EYA4: variants seen among roughly 807,000 people sequenced by gnomAD.
The protein encoded by EYA4 is EYA transcriptional coactivator and phosphatase 4, also known as protein phosphatase EYA4.
In EYA4, 31 loss-of-function variants were observed where a neutral mutation model predicts 87.9. The observed-to-expected ratio is 0.35, with a 90% CI of 0.27 to 0.48. The LOEUF (loss-of-function observed/expected upper bound fraction) is 0.48. EYA4 is among the 20% of genes least tolerant of loss of function. The pLI is 0.99. For missense variants in EYA4, 678 were observed against 761.4 expected, an observed-to-expected ratio of 0.89 and a Z score of 1.29; for synonymous variants, 263 against 270.6, an observed-to-expected ratio of 0.97 and a Z score of 0.28.
chr6:133,288,749 G>A (rs1206029309), intron 2 of EYA4, among the ~76,000 whole-genome samples: 1 of 152,136 alleles, frequency 6.6e-6, no homozygotes, highest in Non-Finnish European at 1.5e-5. Context: ...AAGATGAACT[G>A]TAAGAAACTG....
chr6:133,508,512 A>T (rs1798849337), intron 14 of EYA4, among the ~76,000 whole-genome samples: 1 of 152,158 alleles, frequency 6.6e-6, no homozygotes, highest in Non-Finnish European at 1.5e-5. Flanking sequence ...AAAAAGAAAA[A>T]AGAAATTTTA....
chr6:133,491,977 A>C (rs1199268811), intron 13 of EYA4, among the ~76,000 whole-genome samples: 1 of 148,274 alleles, frequency 6.7e-6, no homozygotes, highest in African/African-American at 2.5e-5. Context: ...AAAAAGAGGA[A>C]GAAGAAAAGA....
intron 2 of EYA4, among the ~76,000 whole-genome samples, chr6:133,338,819 T>A (rs184333303): frequency 2.3e-4 from 35 of 149,888 alleles, no homozygotes; most frequent in Admixed American, 2.1e-3. Context: ...ATACACATAA[T>A]ACAATTCAGA....
intron 3 of EYA4, among the ~76,000 whole-genome samples, chr6:133,425,021 G>A (rs947556341): frequency 6.6e-6 from 1 of 150,754 alleles, no homozygotes; most frequent in Non-Finnish European, 1.5e-5. Context: ...CTTCTGTGTT[G>A]TAAGTGTGTA....
chr6:133,410,074 C>A (rs145406078), intron 3 of EYA4, among the ~76,000 whole-genome samples: 2,982 of 152,102 alleles, frequency 0.02, 93 homozygotes, highest in African/African-American at 0.061. Context: ...AATTTTAATG[C>A]AGCAAATTTA....
At chr6:133,255,530 A>G (rs1775269726) in intron 1 of EYA4, among the ~76,000 whole-genome samples, 1 of 152,198 alleles carries the variant, frequency 6.6e-6, no homozygotes, top group African/African-American at 2.4e-5. Flanking sequence ...TTTAAAGTAA[A>G]AAGTGGATTT....
At chr6:133,500,002 A>G (rs1452618239) in intron 13 of EYA4, among the ~76,000 whole-genome samples, 1 of 151,002 alleles carries the variant, frequency 6.6e-6, no homozygotes, top group Non-Finnish European at 1.5e-5. Flanking sequence ...TAACATGTAT[A>G]TGAATCACCT....
chr6:133,446,575 T>A, intron 3 of EYA4, 55 bp from the exon 4 acceptor site: 1 of 1,606,140 alleles, frequency 6.2e-7, no homozygotes, highest in Non-Finnish European at 8.5e-7. Flanking sequence ...TTGTAATCTA[T>A]TAAAAAATAA....
intron 13 of EYA4, among the ~76,000 whole-genome samples, chr6:133,498,698 A>G (rs1797841480): frequency 6.9e-6 from 1 of 145,340 alleles, no homozygotes; most frequent in South Asian, 2.1e-4. Flanking sequence ...AGCTTATAGT[A>G]AGTTTGTGTG....
chr6:133,433,366 C>T (rs192631745), intron 3 of EYA4, among the ~76,000 whole-genome samples: 27 of 152,232 alleles, frequency 1.8e-4, no homozygotes, highest in Admixed American at 4.6e-4. Context: ...GCCAGAGGCT[C>T]GGATATTTAT....
chr6:133,388,486 A>C (rs1786966503), intron 3 of EYA4, among the ~76,000 whole-genome samples: 1 of 151,414 alleles, frequency 6.6e-6, no homozygotes. Flanking sequence ...CGACCCTTCC[A>C]GTAGCTCATT....
intron 3 of EYA4, among the ~76,000 whole-genome samples, chr6:133,410,797 A>G (rs946190351): frequency 2.6e-5 from 4 of 151,566 alleles, no homozygotes; most frequent in African/African-American, 4.8e-5. Flanking sequence ...CTGTTAAATT[A>G]TTACCCTCAG....
Position 133,530,338 on chromosome 6 carries a change from T to C in EYA4, c.*1533T>C. 1.0e-6 allele frequency: 1 copy of C among 985,408 alleles called. No homozygotes were observed. The allele number at this position is 985,408 out of a possible 1,614,324, so 61.0% of individuals were successfully genotyped here. A position where few individuals can be genotyped will look rare whatever the true frequency, so the allele number is the denominator to read the frequency against. On this transcript the variant is annotated 3_prime_UTR_variant, in exon 20 of 20. Coordinates refer to ENST00000355286, the MANE Select transcript of EYA4 (RefSeq NM_004100.5). ...GCCCATCATCGTTGTGTTTGCATGG[T>C]TTTTTTCCTTGTGTGTAGCCCATGT... is the stretch of plus-strand genomic sequence containing the variant.
chr6:133,298,639 C>G (rs943801498), intron 2 of EYA4, among the ~76,000 whole-genome samples: 1 of 152,028 alleles, frequency 6.6e-6, no homozygotes, highest in Non-Finnish European at 1.5e-5. Flanking sequence ...TCTTAGTTTC[C>G]GCATCTCCAA....
At chr6:133,276,722 A>G (rs140091304) in intron 2 of EYA4, among the ~76,000 whole-genome samples, 107 of 152,312 alleles carry the variant, frequency 7.0e-4, no homozygotes, top group African/African-American at 2.5e-3. Context: ...TATTCATCTC[A>G]TAAATGTGCA....
chr6:133,308,319 A>C (rs1315190332), intron 2 of EYA4, among the ~76,000 whole-genome samples: 4 of 152,316 alleles, frequency 2.6e-5, no homozygotes, highest in Admixed American at 2.6e-4. Context: ...AACTCACCCA[A>C]ATCACATATG....
chr6:133,376,169 GA>G (rs1334298899), intron 2 of EYA4, among the ~76,000 whole-genome samples: 15 of 151,272 alleles, frequency 9.9e-5, no homozygotes, highest in Non-Finnish European at 2.1e-4. Context: ...TCCATTTTTG[GA>G]AAAAAATATT....
intron 2 of EYA4, among the ~76,000 whole-genome samples, chr6:133,284,576 G>C (rs1777882212): frequency 6.6e-6 from 1 of 152,162 alleles, no homozygotes; most frequent in African/African-American, 2.4e-5. Flanking sequence ...AAGACTTCTT[G>C]CTATCCTCTA....
intron 14 of EYA4, among the ~76,000 whole-genome samples, chr6:133,509,689 G>A (rs1798971160): frequency 6.6e-6 from 1 of 152,166 alleles, no homozygotes; most frequent in South Asian, 2.1e-4. Flanking sequence ...GGTGAGAAAA[G>A]ACTGCTGTGA....
Sources: gnomAD v4.1 joint callset for allele counts (sites outside exome capture counted in the v4.1 genomes callset) on GRCh38, gnomAD v4.1.1 for gene constraint, MANE v1.5 for transcripts, NCBI Gene and HGNC (gene_info 2026-07-23, HGNC 2026-07-21) for gene names.